TNRC6A: variants seen among roughly 807,000 people sequenced by gnomAD.
TNRC6A encodes the protein trinucleotide repeat-containing gene 6A protein.
Under a neutral mutation model 221.2 loss-of-function variants are expected in TNRC6A, and 44 were observed. The ratio of observed to expected loss-of-function variants is 0.20; its 90% confidence interval spans 0.16 to 0.26. The LOEUF (loss-of-function observed/expected upper bound fraction) is 0.26, where lower values mean the gene tolerates loss of function less well. Among genes scored for constraint, TNRC6A ranks in the 10% least tolerant of loss-of-function variants. The probability of loss-of-function intolerance (pLI) is 1.00; values close to 1 mark genes in which losing one functional copy is unlikely to be tolerated. For synonymous variants in TNRC6A, 847 were observed against 838.5 expected (o/e 1.01, Z -0.18); for missense variants, 2,199 against 2,404.4 (o/e 0.91, Z 1.79).
chr16:24,705,863 A>G (rs2056084179), intron 2 of TNRC6A, among the ~76,000 whole-genome samples: 1 of 152,204 alleles, frequency 6.6e-6, no homozygotes, highest in Admixed American at 6.6e-5. Flanking sequence ...AGGTATATAA[A>G]GATAAAAAAT....
chr16:24,644,945 T>G (rs927759395), intron 2 of TNRC6A, among the ~76,000 whole-genome samples: 1 of 152,246 alleles, frequency 6.6e-6, no homozygotes, highest in African/African-American at 2.4e-5. Flanking sequence ...ATATATTCCT[T>G]ACTTCCTGTT....
At position 24,822,925 on chromosome 16, in the gene TNRC6A, A is replaced by G; in HGVS notation, c.5425A>G (p.Thr1809Ala). Residue 1809 changes from threonine to alanine, a missense_variant, in exon 24 of 25, where the codon ACA (threonine) becomes GCA (alanine). This residue lies in a region of TNRC6A where 27 missense variants were observed against 66.0 expected (regional missense o/e 0.41). Coordinates refer to ENST00000395799, the MANE Select transcript of TNRC6A (RefSeq NM_014494.4). ...GTGCATGCAGCACGGCCCGCTGATC[A>G]CATTCCACCTGAACCTCCCTCACGG... ...TLCMQHGPLITFHLNLPHGNA... is the reference protein window; with the variant it reads ...TLCMQHGPLIAFHLNLPHGNA... 6.2e-7 allele frequency: 1 copy of G among 1,614,210 alleles called. No homozygotes were observed. The highest frequency in any genetic ancestry group is 8.5e-7 in the Non-Finnish European group (1 of 1,180,042).
rs1026422216 is a variant in TNRC6A at position 24,696,903 on chromosome 16, G to A, written n.403-53823G>A. 8.6e-5 allele frequency among the ~76,000 whole-genome samples: 13 copies of A among 151,962 alleles called. No individual in the cohort carries two copies. In the East Asian group the frequency reaches 1.2e-3, roughly 14 times the overall value. On this transcript the variant is annotated intron_variant and non_coding_transcript_variant, in intron 2 of 2. Transcript: ENST00000566108. ...TGCCTTGGTCATGGATGTGATGACC[G>A]GAGCTGAAGCAGTCATTTTGTGGCC... is the stretch of plus-strand genomic sequence containing the variant.
At chr16:24,812,006 A>C (rs2058552973) in intron 18 of TNRC6A, among the ~76,000 whole-genome samples, 2 of 122,416 alleles carry the variant, frequency 1.6e-5, no homozygotes, top group East Asian at 2.7e-4. Flanking sequence ...GTTCAGGGGA[A>C]TGTCACTTTG....
intron 1 of TNRC6A, among the ~76,000 whole-genome samples, chr16:24,614,493 C>T (rs1308669058): frequency 2.6e-5 from 4 of 152,138 alleles, no homozygotes; most frequent in African/African-American, 9.7e-5. Flanking sequence ...ATTAGAGATA[C>T]CCTCAGAACT....
chr16:24,760,735 G>A (rs993599203), intron 4 of TNRC6A, among the ~76,000 whole-genome samples: 1 of 151,452 alleles, frequency 6.6e-6, no homozygotes, highest in Non-Finnish European at 1.5e-5. Context: ...ACTAAACTTT[G>A]TATTTTGGAA....
chr16:24,654,777 C>A (rs1902872229), intron 2 of TNRC6A, among the ~76,000 whole-genome samples: 1 of 151,920 alleles, frequency 6.6e-6, no homozygotes, highest in Admixed American at 6.6e-5. Flanking sequence ...AAAAGAATCA[C>A]CTGTAATTTA....
At chr16:24,673,417 G>A (rs988548721) in intron 2 of TNRC6A, among the ~76,000 whole-genome samples, 4 of 152,124 alleles carry the variant, frequency 2.6e-5, no homozygotes, top group Non-Finnish European at 4.4e-5. Context: ...ACAGGGCTTC[G>A]CTCACCGAGG....
chr16:24,713,575 G>A (rs2142331382), intron 2 of TNRC6A, among the ~76,000 whole-genome samples: 1 of 152,032 alleles, frequency 6.6e-6, no homozygotes, highest in Non-Finnish European at 1.5e-5. Flanking sequence ...TTACTCTTGG[G>A]TCTATAACAT....
rs1030813330 is a variant in TNRC6A at position 24,746,266 on chromosome 16, A to C, written c.54-4460A>C. 7.9e-5 allele frequency among the ~76,000 whole-genome samples: 12 copies of C among 152,292 alleles called. 1 individual carries two copies. Among genetic ancestry groups the C allele is most frequent in the African/African-American group, 2.6e-4 (11 of 41,542 alleles). On this transcript the variant is annotated intron_variant, in intron 2 of 24. Coordinates refer to ENST00000395799, the MANE Select transcript of TNRC6A (RefSeq NM_014494.4). ...GTAGGAATTTTTTTCCTATAAAAAA[A>C]ATCATGTTTCCTAGCTGAGTGCAGT... is the stretch of plus-strand genomic sequence containing the variant.
At chr16:24,652,622 T>TTCTTCA (rs1392882482) in intron 2 of TNRC6A, among the ~76,000 whole-genome samples, 2 of 152,206 alleles carry the variant, frequency 1.3e-5, no homozygotes, top group African/African-American at 4.8e-5. Context: ...TTCTTTGGTG[T>TTCTTCA]TCTTCATCTA....
At chr16:24,667,271 T>C (rs570604617) in intron 2 of TNRC6A, among the ~76,000 whole-genome samples, 56 of 152,312 alleles carry the variant, frequency 3.7e-4, no homozygotes, top group African/African-American at 1.3e-3. Context: ...GGCTGGGCTC[T>C]GTCCCGTGCC....
At chr16:24,717,671 T>C (rs1229203841) in intron 2 of TNRC6A, among the ~76,000 whole-genome samples, 2 of 151,860 alleles carry the variant, frequency 1.3e-5, no homozygotes, top group Admixed American at 6.6e-5. Context: ...CTGACAGTCA[T>C]GATATTAACA....
At chr16:24,688,072 A>G (rs1387860237) in intron 2 of TNRC6A, among the ~76,000 whole-genome samples, 1 of 150,198 alleles carries the variant, frequency 6.7e-6, no homozygotes, top group Non-Finnish European at 1.5e-5. Context: ...AGCTGGGACT[A>G]CAGGTGTCCA....
chr16:24,674,104 TG>T (rs1227219364), intron 2 of TNRC6A, among the ~76,000 whole-genome samples: 1 of 152,158 alleles, frequency 6.6e-6, no homozygotes, highest in Non-Finnish European at 1.5e-5. Context: ...AGGGTTTGGC[TG>T]TGTCGCCCAG....
chr16:24,795,040 C>G (rs934673690), intron 8 of TNRC6A, among the ~76,000 whole-genome samples: 1 of 152,168 alleles, frequency 6.6e-6, no homozygotes, highest in African/African-American at 2.4e-5. Flanking sequence ...TTGACTCTTT[C>G]CATCCCACTG....
At chr16:24,655,070 C>T (rs1474877578) in intron 2 of TNRC6A, among the ~76,000 whole-genome samples, 2 of 151,864 alleles carry the variant, frequency 1.3e-5, no homozygotes, top group East Asian at 3.9e-4. Flanking sequence ...TGACAGAACC[C>T]CATCGCTACA....
At chr16:24,637,621 T>C (rs974546813) in intron 1 of TNRC6A, among the ~76,000 whole-genome samples, 3 of 152,116 alleles carry the variant, frequency 2.0e-5, no homozygotes, top group Non-Finnish European at 2.9e-5. Context: ...GAAGGTCCCA[T>C]GTGGGGAGGT....
At chr16:24,646,318 T>G (rs1343323814) in intron 2 of TNRC6A, among the ~76,000 whole-genome samples, 1 of 152,190 alleles carries the variant, frequency 6.6e-6, no homozygotes, top group East Asian at 1.9e-4. Context: ...TTTGTAAAAC[T>G]CTTCCATGAC....
Sources: gnomAD v4.1 joint callset for allele counts (sites outside exome capture counted in the v4.1 genomes callset) on GRCh38, gnomAD v4.1.1 for gene constraint, gnomAD v4.1.1 regional missense constraint, MANE v1.5 for transcripts, NCBI Gene and HGNC (gene_info 2026-07-23, HGNC 2026-07-21) for gene names.